Variants in ABCA9 observed in about 807,000 individuals in gnomAD.
ABCA9 encodes the protein ATP binding cassette subfamily A member 9.
Under a neutral mutation model 205.3 loss-of-function variants are expected in ABCA9, and 183 were observed. The observed-to-expected ratio is 0.89, with a 90% CI of 0.79 to 1.01. The LOEUF (loss-of-function observed/expected upper bound fraction) is 1.01. ABCA9 is among the 50% of genes least tolerant of loss of function. The pLI is 0.00. For missense variants in ABCA9, 1,805 were observed against 1,912.4 expected (o/e 0.94, Z 1.05); for synonymous variants, 651 against 683.3 (o/e 0.95, Z 0.74).
the ABCA9 span, among the ~76,000 whole-genome samples, chr17:69,067,590 C>A: frequency 5.7e-4 from 70 of 121,902 alleles, no homozygotes; most frequent in African/African-American, 7.8e-4. Flanking sequence ...GAGAGAGAGA[C>A]AGAGAAAGAA....
intron 16 of ABCA9, among the ~76,000 whole-genome samples, 174 bp from the exon 17 acceptor site, chr17:69,024,527 A>G (rs534029915): frequency 1.1e-4 from 16 of 152,308 alleles, no homozygotes; most frequent in African/African-American, 3.6e-4. Context: ...CATTAAATCT[A>G]TGCAACATGG....
intron 22 of ABCA9, among the ~76,000 whole-genome samples, chr17:69,014,014 C>G (rs1249511660): frequency 1.3e-5 from 2 of 152,120 alleles, no homozygotes; most frequent in African/African-American, 4.8e-5. Flanking sequence ...GGTGGGAATT[C>G]AGGTCACTTG....
At chr17:68,996,127 C>T (rs761859683) in intron 25 of ABCA9, 113 bp from the exon 26 acceptor site, 1 of 1,084,626 alleles carries the variant, frequency 9.2e-7, no homozygotes, top group Non-Finnish European at 1.3e-6. Flanking sequence ...ATTTCACTCC[C>T]CAAACCAGTA....
the ABCA9 span, among the ~76,000 whole-genome samples, chr17:69,069,273 T>C: frequency 1.3e-5 from 2 of 152,146 alleles, no homozygotes; most frequent in African/African-American, 4.8e-5. Context: ...CAGAAATCAC[T>C]AGAGCCAGAA....
intron 22 of ABCA9, 49 bp downstream of exon 22, chr17:69,016,201 TTTC>T (rs1046957268): frequency 7.3e-7 from 1 of 1,372,532 alleles, no homozygotes; most frequent in Non-Finnish European, 9.6e-7. Flanking sequence ...TTTCAAGAAT[TTTC>T]TTGAAAACTT....
In ABCA9 at chr17:69,023,885, T is replaced by TCCTGC. The variant is rs997901846; in HGVS notation, c.2281+324_2281+328dup. 6.6e-6 allele frequency among the ~76,000 whole-genome samples: 1 copy of TCCTGC among 152,106 alleles called. No homozygotes were observed. The highest frequency in any genetic ancestry group is 1.5e-5 in the Non-Finnish European group (1 of 68,022). On this transcript the variant is annotated intron_variant, in intron 17 of 38. Transcript: ENST00000340001. This position sits in a 1 kb window ranked among gnomAD's most constrained non-coding sequence, Gnocchi z 4.2. ...TCTGCCACTGTATTTATATACCTGT[T>TCCTGC]CCTGCCCTGACCACACTCTCTCATT...
At chr17:69,025,419 T>G (rs2144322828) in intron 16 of ABCA9, among the ~76,000 whole-genome samples, 1 of 152,198 alleles carries the variant, frequency 6.6e-6, no homozygotes, top group Admixed American at 6.5e-5. Context: ...TTGGACATGG[T>G]TAAATGGGTT....
At chr17:69,002,424 C>A (rs868664698) in intron 25 of ABCA9, among the ~76,000 whole-genome samples, 6 of 121,028 alleles carry the variant, frequency 5.0e-5, no homozygotes, top group Non-Finnish European at 6.8e-5. Context: ...TGTAGTTGAG[C>A]GGTTTTGAGT....
intron 25 of ABCA9, among the ~76,000 whole-genome samples, chr17:69,001,602 G>A (rs1598353190): frequency 6.6e-6 from 1 of 151,722 alleles, no homozygotes; most frequent in Non-Finnish European, 1.5e-5. Context: ...TCTCTGCCCG[G>A]CTTTGGTATC....
the ABCA9 span, among the ~76,000 whole-genome samples, chr17:69,067,310 G>C: frequency 6.6e-6 from 1 of 151,964 alleles, no homozygotes; most frequent in African/African-American, 2.4e-5. Flanking sequence ...ACTTTGCGAG[G>C]CCAAGGTGGG....
chr17:69,009,497 G>T (rs2144191660), intron 23 of ABCA9, among the ~76,000 whole-genome samples: 1 of 152,278 alleles, frequency 6.6e-6, no homozygotes, highest in African/African-American at 2.4e-5. Flanking sequence ...CAGATTAAGG[G>T]AGTAAGATAC....
intron 22 of ABCA9, among the ~76,000 whole-genome samples, chr17:69,014,475 G>A (rs1052348379): frequency 9.9e-5 from 15 of 151,956 alleles, no homozygotes; most frequent in African/African-American, 2.2e-4. Flanking sequence ...GGTCCCAAAC[G>A]TTTCAGATAA....
chr17:69,003,352 G>T (rs369797327), intron 25 of ABCA9, among the ~76,000 whole-genome samples: 3 of 149,666 alleles, frequency 2.0e-5, no homozygotes, highest in Non-Finnish European at 3.0e-5. Context: ...GTCTGTAAAG[G>T]ATTTTATTTC....
intron 14 of ABCA9, 40 bp downstream of exon 14, chr17:69,027,290 T>A (rs749184283): frequency 6.3e-7 from 1 of 1,598,962 alleles, no homozygotes; most frequent in African/African-American, 1.3e-5. Context: ...AATTTTATAG[T>A]CTTCAATCTG....
chr17:69,078,889 A>C, the ABCA9 span: 15 of 742,760 alleles, frequency 2.0e-5, no homozygotes, highest in South Asian at 3.5e-4. Context: ...ATTTTAAATG[A>C]TCTTTAAAAT....
chr17:69,061,948 C>T (rs951072496), upstream of ABCA9, among the ~76,000 whole-genome samples: 1 of 152,168 alleles, frequency 6.6e-6, no homozygotes, highest in African/African-American at 2.4e-5. Flanking sequence ...GCATGCAATT[C>T]TTAAATCAGC....
chr17:69,027,164 C>T, intron 14 of ABCA9, 50 bp from the exon 15 acceptor site: 1 of 1,599,142 alleles, frequency 6.3e-7, no homozygotes, highest in Non-Finnish European at 8.5e-7. Context: ...GGATAAGATC[C>T]TTTTAAAAAG....
rs1860448 is a variant in ABCA9, at chr17:69,035,228, T to A, written c.1128+18A>T. The A allele has an allele frequency of 6.6e-7, 1 of 1,504,222 alleles. No homozygotes were observed. The highest frequency in any genetic ancestry group is 8.9e-7 in the Non-Finnish European group (1 of 1,127,918). 93.2% of individuals were successfully genotyped at this position (1,504,222 alleles called of 1,614,324 possible). A position where few individuals can be genotyped will look rare whatever the true frequency, so the allele number is the denominator to read the frequency against. On this transcript the variant is annotated intron_variant, in intron 8 of 38. Transcript: ENST00000340001. ...TAGAACGGTTTGTAAAAAGTGAAAG[T>A]GTTACCTTAACTCTTACCTGGGCCA... is the stretch of plus-strand genomic sequence containing the variant.
chr17:69,046,629 G>T (rs1210803974), intron 3 of ABCA9, among the ~76,000 whole-genome samples: 3 of 151,506 alleles, frequency 2.0e-5, no homozygotes, highest in African/African-American at 7.3e-5. Context: ...AATAGTTCAC[G>T]TGGGATATGT....
Sources: gnomAD v4.1 joint callset for allele counts (sites outside exome capture counted in the v4.1 genomes callset) on GRCh38, gnomAD v4.1.1 for gene constraint, Gnocchi (gnomAD v3.1) non-coding constraint, MANE v1.5 for transcripts, NCBI Gene and HGNC (gene_info 2026-07-23, HGNC 2026-07-21) for gene names.